The following DZIP1 variants were observed in gnomAD, a reference collection of about 807,000 sequenced individuals.
The protein encoded by DZIP1 is cilium assembly protein DZIP1.
In DZIP1, 97 loss-of-function variants were observed where a neutral mutation model predicts 107.6. The ratio of observed to expected loss-of-function variants is 0.90; its 90% confidence interval spans 0.77 to 1.07. The LOEUF (loss-of-function observed/expected upper bound fraction) is 1.07. Ranked by LOEUF, DZIP1 falls within the 50% of genes least tolerant of loss-of-function variation. The pLI, the probability that DZIP1 is intolerant of heterozygous loss-of-function variation, is 0.00. For synonymous variants in DZIP1, 390 were observed against 386.4 expected (o/e 1.01, Z -0.11); for missense variants, 1,035 against 1,063.6 (o/e 0.97, Z 0.37).
chr13:95,631,918 G>A (rs538404510), intron 6 of DZIP1, among the ~76,000 whole-genome samples: 9 of 152,264 alleles, frequency 5.9e-5, no homozygotes, highest in South Asian at 2.1e-4. Context: ...ACCAACAACC[G>A]TCTTGACAAC....
At chr13:95,599,512 T>C (rs1325245977) in intron 14 of DZIP1, 88 bp from the exon 15 acceptor site, 2 of 1,196,896 alleles carry the variant, frequency 1.7e-6, no homozygotes, top group Non-Finnish European at 2.5e-6. Context: ...AAAGATATCA[T>C]TCCATGGTAT....
intron 11 of DZIP1, 39 bp downstream of exon 11, chr13:95,611,998 G>A (rs769538925): frequency 2.5e-6 from 4 of 1,604,256 alleles, no homozygotes; most frequent in Non-Finnish European, 3.4e-6. Context: ...AGACTGCGTT[G>A]CTTAAAGAAG....
At chr13:95,630,746 A>C in intron 6 of DZIP1, 1 of 1,282,496 alleles carries the variant, frequency 7.8e-7, no homozygotes, top group Middle Eastern at 2.1e-4. Flanking sequence ...ATGGATGTAC[A>C]TGTGTCTGTG....
intron 14 of DZIP1, among the ~76,000 whole-genome samples, chr13:95,600,625 T>TAGATAGATAGAC: frequency 8.0e-6 from 1 of 125,208 alleles, no homozygotes; most frequent in South Asian, 2.5e-4. Flanking sequence ...GATAGATAGA[T>TAGATAGATAGAC]AGATAGACAG....
rs757908472 is a variant in DZIP1 at position 95,582,186 on chromosome 13, G to A, written c.*48C>T. Reference sequence around the variant, plus strand: ...TGGAGGCAAATTACTGAAACACTGTGATACTGAAATACTGCTGGCTTCTGG... The same window carrying A: ...TGGAGGCAAATTACTGAAACACTGTAATACTGAAATACTGCTGGCTTCTGG... On this transcript the variant is annotated 3_prime_UTR_variant, in exon 23 of 23. Coordinates refer to ENST00000376829, the MANE Select transcript of DZIP1 (RefSeq NM_198968.4). 2 of 1,570,066 alleles carry A rather than the reference G, an allele frequency of 1.3e-6. No homozygotes were observed. Among genetic ancestry groups the A allele is most frequent in the African/African-American group, 2.7e-5 (2 of 73,914 alleles).
In DZIP1 at chr13:95,578,962, C is replaced by T. The variant is rs2138702118; in HGVS notation, c.*3272G>A. On this transcript the variant is annotated 3_prime_UTR_variant, in exon 23 of 23. Coordinates refer to ENST00000376829, the MANE Select transcript of DZIP1 (RefSeq NM_198968.4). ...CGGAATGCAGAGCCCTGAGCTAGGGCATCAGCAGAAGCTGAGATAGAGATA... is the reference window on the plus strand; with the variant it reads ...CGGAATGCAGAGCCCTGAGCTAGGGTATCAGCAGAAGCTGAGATAGAGATA... 1 of 152,320 alleles carries T rather than the reference C, an allele frequency of 6.6e-6. No individual in the cohort carries two copies. The highest frequency in any genetic ancestry group is 3.4e-3 in the Middle Eastern group (1 of 294). 9.4% of individuals were successfully genotyped at this position (152,320 alleles called of 1,614,324 possible).
chr13:95,610,988 G>C (rs981842243), intron 12 of DZIP1, among the ~76,000 whole-genome samples: 1 of 152,196 alleles, frequency 6.6e-6, no homozygotes, highest in Non-Finnish European at 1.5e-5. Flanking sequence ...TCTGTGGTAT[G>C]CTATTATAGC....
chr13:95,587,633 G>C lies in DZIP1; in HGVS notation c.2124C>G (p.Asn708Lys). 6.2e-7 allele frequency: 1 copy of C among 1,614,184 alleles called. No homozygotes were observed. Among genetic ancestry groups the C allele is most frequent in the Non-Finnish European group, 8.5e-7 (1 of 1,180,040 alleles). ...PGPLPVPPPQ[N>K]KGSFGKNTVK... Reference sequence around the variant, plus strand: ...CTGTGTTCTTCCCGAAGCTGCCCTTGTTTTGTGGTGGCGGCACAGGAAGTG... The same window carrying C: ...CTGTGTTCTTCCCGAAGCTGCCCTTCTTTTGTGGTGGCGGCACAGGAAGTG... Residue 708 changes from asparagine to lysine, a missense_variant, in exon 20 of 23, where the codon AAC becomes AAG. Coordinates refer to ENST00000376829, the MANE Select transcript of DZIP1 (RefSeq NM_198968.4).
chr13:95,619,707 A>T (rs1594709492), intron 10 of DZIP1, among the ~76,000 whole-genome samples, 178 bp downstream of exon 10: 3 of 152,302 alleles, frequency 2.0e-5, no homozygotes, highest in South Asian at 4.1e-4. Context: ...AAAGAAAACA[A>T]ATTATAAGAA....
intron 8 of DZIP1, among the ~76,000 whole-genome samples, chr13:95,623,688 C>T (rs972656202): frequency 2.0e-5 from 3 of 152,136 alleles, no homozygotes; most frequent in Admixed American, 2.0e-4. Flanking sequence ...CAAATGTAAT[C>T]CCAGCACTTT....
intron 15 of DZIP1, among the ~76,000 whole-genome samples, chr13:95,598,109 T>C (rs2044509954): frequency 1.3e-5 from 2 of 152,216 alleles, no homozygotes; most frequent in African/African-American, 4.8e-5. Flanking sequence ...CAAGTTTTTA[T>C]GGCTTTATGT....
intron 6 of DZIP1, among the ~76,000 whole-genome samples, chr13:95,631,823 G>A (rs1877231356): frequency 6.6e-6 from 1 of 151,984 alleles, no homozygotes; most frequent in Admixed American, 6.6e-5. Flanking sequence ...GATACAGTAG[G>A]ACCACTCCCT....
At chr13:95,639,859 G>A (rs981521755) in intron 5 of DZIP1, among the ~76,000 whole-genome samples, 1 of 152,120 alleles carries the variant, frequency 6.6e-6, no homozygotes, top group South Asian at 2.1e-4. Context: ...TTTTTAAGCA[G>A]CATTTATAAA....
intron 7 of DZIP1, among the ~76,000 whole-genome samples, chr13:95,628,829 GCA>G (rs1876859227): frequency 6.6e-6 from 1 of 152,134 alleles, no homozygotes; most frequent in African/African-American, 2.4e-5. Context: ...GGTATCTAGA[GCA>G]GGCAAAATCA....
chr13:95,587,766 C>T, intron 19 of DZIP1, 37 bp from the exon 20 acceptor site: 3 of 1,591,544 alleles, frequency 1.9e-6, no homozygotes, highest in Non-Finnish European at 2.6e-6. Flanking sequence ...GCGCTGTTTT[C>T]GTAACGCTTT....
At position 95,624,793 on chromosome 13, in the gene DZIP1, G is replaced by T; in HGVS notation, c.947C>A (p.Thr316Asn). The T allele has an allele frequency of 6.2e-7, 1 of 1,604,238 alleles. No individual in the cohort carries two copies. The highest frequency in any genetic ancestry group is 2.2e-5 in the East Asian group (1 of 44,730). Residue 316 changes from threonine to asparagine, a missense_variant, in exon 8 of 23, where the codon ACT (threonine) becomes AAT (asparagine). Thr to Asn is a moderately conservative substitution (Grantham distance 65). Coordinates refer to ENST00000376829, the MANE Select transcript of DZIP1 (RefSeq NM_198968.4). The part of the protein sequence containing the change: ...EMFMKEFKEL[T>N]SKNSALEYQL... ...ATATTCTAATGCTGAATTCTTCGAA[G>T]TTAATTCTTTAAATTCCTTCATAAA...
chr13:95,630,243 G>T, intron 6 of DZIP1, 130 bp from the exon 7 acceptor site: 1 of 1,125,828 alleles, frequency 8.9e-7, no homozygotes, highest in Non-Finnish European at 1.2e-6. Flanking sequence ...CTTGTTTCAT[G>T]CCACATGAGC....
intron 22 of DZIP1, 118 bp downstream of exon 22, chr13:95,584,618 C>T: frequency 1.4e-6 from 2 of 1,464,234 alleles, no homozygotes; most frequent in Non-Finnish European, 9.0e-7. Context: ...ATAAAGAAAG[C>T]ACTGACAGCT....
chr13:95,625,797 A>C (rs1876470336), intron 7 of DZIP1, among the ~76,000 whole-genome samples: 1 of 152,152 alleles, frequency 6.6e-6, no homozygotes, highest in Admixed American at 6.5e-5. Context: ...CAGTGCTCAG[A>C]AATAAATTTA....
Sources: gnomAD v4.1 joint callset for allele counts (sites outside exome capture counted in the v4.1 genomes callset) on GRCh38, gnomAD v4.1.1 for gene constraint, MANE v1.5 for transcripts, NCBI Gene and HGNC (gene_info 2026-07-23, HGNC 2026-07-21) for gene names.